TAF1B: variants seen among roughly 807,000 people sequenced by gnomAD.
The protein encoded by TAF1B is TATA box-binding protein-associated factor RNA polymerase I subunit B.
Under a neutral mutation model 83.9 loss-of-function variants are expected in TAF1B, and 61 were observed. That is an observed-to-expected ratio of 0.73 (90% CI 0.59 to 0.90). The LOEUF (loss-of-function observed/expected upper bound fraction) is 0.90. TAF1B is among the 40% of genes least tolerant of loss of function. The pLI is 0.00. For synonymous variants in TAF1B, 221 were observed against 224.6 expected, an observed-to-expected ratio of 0.98 and a Z score of 0.14; for missense variants, 625 against 677.0, an observed-to-expected ratio of 0.92 and a Z score of 0.85.
chr2:9,918,319 C>G (rs1558266831), intron 12 of TAF1B, among the ~76,000 whole-genome samples: 1 of 152,218 alleles, frequency 6.6e-6, no homozygotes, highest in East Asian at 1.9e-4. Flanking sequence ...GCAACAGCCA[C>G]TAGAACTAGA....
chr2:9,913,916 G>A (rs972070430), intron 12 of TAF1B, among the ~76,000 whole-genome samples: 1 of 152,058 alleles, frequency 6.6e-6, no homozygotes, highest in Non-Finnish European at 1.5e-5. Flanking sequence ...TGAAGAAAAA[G>A]GTAACATCTC....
intron 5 of TAF1B, among the ~76,000 whole-genome samples, chr2:9,867,587 G>C (rs934394509): frequency 3.0e-4 from 45 of 152,122 alleles, no homozygotes; most frequent in African/African-American, 1.1e-3. Context: ...TTCTTGGCCT[G>C]CAGGGTTGAA....
intron 8 of TAF1B, among the ~76,000 whole-genome samples, chr2:9,884,612 T>C (rs1365199901): frequency 6.6e-6 from 1 of 152,178 alleles, no homozygotes; most frequent in Non-Finnish European, 1.5e-5. Context: ...AATGGGAAGC[T>C]CCTGTCTGCA....
intron 1 of TAF1B, chr2:9,844,369 A>G (rs1663132582): frequency 6.6e-6 from 1 of 151,354 alleles, no homozygotes; most frequent in South Asian, 2.1e-4. Context: ...TGTTGTCCAG[A>G]CTGGTATTGA....
intron 7 of TAF1B, among the ~76,000 whole-genome samples, chr2:9,881,194 C>T (rs905358091): frequency 6.6e-6 from 1 of 152,002 alleles, no homozygotes; most frequent in African/African-American, 2.4e-5. Context: ...ATTAGCCAGG[C>T]ATGGTGGTGG....
chr2:9,865,255 A>G (rs7567978), intron 5 of TAF1B, among the ~76,000 whole-genome samples: 2,171 of 152,256 alleles, frequency 0.014, 53 homozygotes, highest in African/African-American at 0.049. Flanking sequence ...CAGGATACAA[A>G]ATCAATGTGC....
In TAF1B at chr2:9,910,653, A is replaced by G. The variant is rs1213501230; in HGVS notation, c.956-83A>G. The G allele has an allele frequency of 7.2e-6, 9 of 1,251,314 alleles. No homozygotes were observed. The East Asian group carries it at 1.7e-4, about 24-fold the overall frequency. 77.5% of individuals were successfully genotyped at this position (1,251,314 alleles called of 1,614,324 possible). On this transcript the variant is annotated intron_variant, in intron 9 of 14. Coordinates refer to ENST00000263663, the MANE Select transcript of TAF1B (RefSeq NM_005680.3). ...GAGTTCTTGCATAGTGTCGTGTTTT[A>G]AGATAAAGGTTATTTTATGGATATA... is the stretch of plus-strand genomic sequence containing the variant.
intron 4 of TAF1B, among the ~76,000 whole-genome samples, chr2:9,853,755 C>T (rs1355729153): frequency 2.0e-5 from 3 of 152,102 alleles, no homozygotes; most frequent in Non-Finnish European, 4.4e-5. Flanking sequence ...GCCACCGTGC[C>T]CAGCCGGAAA....
In TAF1B at chr2:9,868,309, G is replaced by T. The variant is rs1664058492; in HGVS notation, c.433G>T (p.Ala145Ser). 9 of 1,614,034 alleles carry T rather than the reference G, an allele frequency of 5.6e-6. No homozygotes were observed. Among genetic ancestry groups the T allele is most frequent in the Middle Eastern group, 1.6e-4 (1 of 6,084 alleles). Residue 145 changes from alanine to serine, a missense_variant, in exon 6 of 15, where the codon GCT becomes TCT. Physicochemically the swap from Ala to Ser is moderately conservative, Grantham distance 99. Transcript: ENST00000263663. Reference protein sequence around the residue: ...LEDNLSHSDWASEPELLSDVS... With the variant: ...LEDNLSHSDWSSEPELLSDVS... ...AGATAATCTAAGTCATTCAGACTGG[G>T]CTAGTGAGCCTGAGCTGCTAAGTGA...
At chr2:9,909,395 C>G (rs986915554) in intron 9 of TAF1B, among the ~76,000 whole-genome samples, 2 of 152,214 alleles carry the variant, frequency 1.3e-5, no homozygotes, top group Non-Finnish European at 2.9e-5. Flanking sequence ...ACCAAGTTCT[C>G]TAAGATGAGT....
chr2:9,913,060 A>G lies in TAF1B; in HGVS notation c.1181-99A>G, dbSNP rs1572278610. On this transcript the variant is annotated intron_variant, in intron 11 of 14. Transcript: ENST00000263663. The stretch of plus-strand genomic sequence containing the variant: ...ACATCTTGATCACACACTCACACCA[A>G]CTGCCCAGTGCAGTCAATTAATGAA... 6 of 946,010 alleles carry G rather than the reference A, an allele frequency of 6.3e-6. No homozygotes were observed. In the East Asian group the frequency reaches 1.5e-4, roughly 23 times the overall value. 58.6% of individuals were successfully genotyped at this position (946,010 alleles called of 1,614,324 possible). A position where few individuals can be genotyped will look rare whatever the true frequency, so the allele number is the denominator to read the frequency against.
chr2:9,861,025 G>A (rs1214854305), intron 5 of TAF1B, among the ~76,000 whole-genome samples: 4 of 152,204 alleles, frequency 2.6e-5, no homozygotes, highest in Admixed American at 6.5e-5. Context: ...CATGAGCAGC[G>A]CAGAAGACGG....
chr2:9,899,966 T>C (rs765922483), intron 8 of TAF1B, among the ~76,000 whole-genome samples: 2 of 152,228 alleles, frequency 1.3e-5, no homozygotes, highest in Non-Finnish European at 2.9e-5. Flanking sequence ...ATGCATGATA[T>C]GTGTATCTAA....
At chr2:9,852,050 C>T (rs1238113436) in intron 4 of TAF1B, 1 of 472,010 alleles carries the variant, frequency 2.1e-6, no homozygotes, top group Non-Finnish European at 4.4e-6. Context: ...TTGAGTTCCA[C>T]AGAATGCACT....
chr2:9,924,182 A>G (rs1665968585), intron 14 of TAF1B, among the ~76,000 whole-genome samples: 1 of 152,224 alleles, frequency 6.6e-6, no homozygotes, highest in South Asian at 2.1e-4. Context: ...GTTCTAGACC[A>G]GAGCCTAGAA....
Position 9,922,481 on chromosome 2 carries a change from T to C in TAF1B, c.1565+2661T>C, listed in dbSNP as rs374300435. On this transcript the variant is annotated intron_variant, in intron 14 of 14. Coordinates refer to ENST00000263663, the MANE Select transcript of TAF1B (RefSeq NM_005680.3). ...ATGTATCCACATGGGCTCACTTCTT[T>C]CAGGTTTTTGCTCAAATTTCACTTC... Among the ~76,000 whole-genome samples, 9 of 152,264 alleles carry C rather than the reference T, an allele frequency of 5.9e-5. No individual in the cohort carries two copies. The East Asian group carries it at 9.6e-4, about 16-fold the overall frequency.
intron 9 of TAF1B, among the ~76,000 whole-genome samples, chr2:9,906,622 A>G (rs1327348431): frequency 1.3e-5 from 2 of 152,246 alleles, no homozygotes; most frequent in Non-Finnish European, 2.9e-5. Flanking sequence ...TGAAGAGTTC[A>G]TAAAAGCATG....
chr2:9,849,744 G>C (rs746869641), intron 3 of TAF1B, among the ~76,000 whole-genome samples: 1 of 152,074 alleles, frequency 6.6e-6, no homozygotes, highest in Non-Finnish European at 1.5e-5. Flanking sequence ...TTCTTGTGTT[G>C]AATTTTGAAC....
At chr2:9,859,413 G>GTTTTTTTTT in intron 5 of TAF1B, among the ~76,000 whole-genome samples, 1 of 140,364 alleles carries the variant, frequency 7.1e-6, no homozygotes. Context: ...TTGAGATAGA[G>GTTTTTTTTT]TGTTGCTTTG....
Sources: gnomAD v4.1 joint callset for allele counts (sites outside exome capture counted in the v4.1 genomes callset) on GRCh38, gnomAD v4.1.1 for gene constraint, MANE v1.5 for transcripts, NCBI Gene and HGNC (gene_info 2026-07-23, HGNC 2026-07-21) for gene names.